The following TATDN1 variants were observed in gnomAD, a reference collection of about 807,000 sequenced individuals.
TATDN1 encodes the protein TatD DNase domain containing 1, also known as deoxyribonuclease TATDN1.
TATDN1 carries 40 observed loss-of-function variants against 46.4 expected under a neutral mutation model. The ratio of observed to expected loss-of-function variants is 0.86; its 90% CI spans 0.67 to 1.12. The LOEUF (loss-of-function observed/expected upper bound fraction) is 1.12. Among genes scored for constraint, TATDN1 ranks in the 50% most tolerant of loss-of-function variants. TATDN1 has a pLI of 0.00. For missense variants in TATDN1, 326 were observed against 348.4 expected (o/e 0.94, Z 0.51); for synonymous variants, 95 against 105.6 (o/e 0.90, Z 0.62).
At chr8:124,514,276 A>G (rs1430988402) in intron 6 of TATDN1, among the ~76,000 whole-genome samples, 1 of 152,170 alleles carries the variant, frequency 6.6e-6, no homozygotes, top group Non-Finnish European at 1.5e-5. Context: ...CAGGGAGGGA[A>G]GCGGGAGGAA....
chr8:124,520,970 C>T (rs916882397), intron 3 of TATDN1, among the ~76,000 whole-genome samples: 10 of 147,996 alleles, frequency 6.8e-5, no homozygotes, highest in African/African-American at 2.0e-4. Context: ...AAAAAGATAA[C>T]GATGATGATG....
intron 1 of TATDN1, among the ~76,000 whole-genome samples, chr8:124,530,763 T>C (rs1022030297): frequency 1.3e-5 from 2 of 152,146 alleles, no homozygotes; most frequent in African/African-American, 4.8e-5. Context: ...CAAATTCTAT[T>C]AGTTTAGATA....
In TATDN1 at chr8:124,539,083, G is replaced by A; in HGVS notation, c.-37C>T. Reference sequence around the variant, plus strand: ...GAGGACCTCCCCAGCGGAAGCGGAAGTGGCCGCCGGCAACTCCGCCCTTCC... The same window carrying A: ...GAGGACCTCCCCAGCGGAAGCGGAAATGGCCGCCGGCAACTCCGCCCTTCC... On this transcript the variant is annotated 5_prime_UTR_variant, in exon 1 of 12. Transcript: ENST00000276692. 1 of 1,611,710 alleles carries A rather than the reference G, an allele frequency of 6.2e-7. No homozygotes were observed. Among genetic ancestry groups the A allele is most frequent in the Non-Finnish European group, 8.5e-7 (1 of 1,177,982 alleles).
chr8:124,497,288 CTTTT>C (rs750659706), intron 9 of TATDN1, among the ~76,000 whole-genome samples: 3 of 101,166 alleles, frequency 3.0e-5, no homozygotes, highest in South Asian at 2.6e-4. Context: ...CTTTCTTCTT[CTTTT>C]TTTTTTTTTT....
chr8:124,522,949 G>A lies in TATDN1; in HGVS notation c.76C>T (p.Gln26Ter). ...PMFRGIYRGV[Q>*]KHQDDLQDVI... is the part of the protein sequence containing the mutation. ...AGGAAATATTTACCTTGATGCTTTT[G>A]AACCCCCCTATAAATTCCTCTGAAC... The change falls in exon 2 of 12, where the codon CAA becomes TAA. Residue 26 changes from glutamine to a stop codon, truncating the protein, a stop_gained. Coordinates refer to ENST00000276692, the MANE Select transcript of TATDN1 (RefSeq NM_032026.4). LOFTEE classifies it high-confidence loss of function. 2 of 1,613,116 alleles carry A rather than the reference G, an allele frequency of 1.2e-6. No homozygotes were observed. Among genetic ancestry groups the A allele is most frequent in the Middle Eastern group, 1.7e-4 (1 of 5,730 alleles).
chr8:124,488,960 C>G, intron 11 of TATDN1: 1 of 383,428 alleles, frequency 2.6e-6, no homozygotes. Flanking sequence ...TTATGTTCAC[C>G]AATTATAGCA....
intron 8 of TATDN1, among the ~76,000 whole-genome samples, chr8:124,507,505 G>C (rs1172222635): frequency 6.6e-6 from 1 of 152,226 alleles, no homozygotes. Context: ...TCAAGGGCCA[G>C]GCACAGTGGC....
At chr8:124,495,758 T>C (rs371956835) in intron 9 of TATDN1, among the ~76,000 whole-genome samples, 8 of 152,344 alleles carry the variant, frequency 5.3e-5, no homozygotes, top group Admixed American at 4.6e-4. Context: ...CAATTTTCCA[T>C]GCTTATTAGT....
intron 1 of TATDN1, among the ~76,000 whole-genome samples, chr8:124,528,218 G>C (rs1489779771): frequency 6.6e-6 from 1 of 151,864 alleles, no homozygotes; most frequent in Non-Finnish European, 1.5e-5. Flanking sequence ...CTGTCACCCA[G>C]GCTGGAGTAC....
chr8:124,518,173 C>T (rs1177065648), intron 4 of TATDN1, among the ~76,000 whole-genome samples: 1 of 134,482 alleles, frequency 7.4e-6, no homozygotes, highest in Admixed American at 8.4e-5. Flanking sequence ...GATTGCGCCA[C>T]TGCACTCTAG....
In TATDN1 at chr8:124,504,359, C is replaced by G; in HGVS notation, c.517-12G>C. The G allele has an allele frequency of 6.4e-7, 1 of 1,559,712 alleles. No individual in the cohort carries two copies. Among genetic ancestry groups the G allele is most frequent in the Non-Finnish European group, 8.7e-7 (1 of 1,150,702 alleles). On this transcript the variant is annotated splice_polypyrimidine_tract_variant and intron_variant, in intron 8 of 11. Transcript: ENST00000276692. ...TCAAATGAATGCACCTGGGGACATA[C>G]AGGTATAAGTTTATTATTATAATAA...
intron 1 of TATDN1, among the ~76,000 whole-genome samples, chr8:124,524,590 T>TA (rs374456758): frequency 6.6e-6 from 1 of 152,222 alleles, no homozygotes; most frequent in African/African-American, 2.4e-5. Context: ...GTATCTCTTC[T>TA]AGACCATTTC....
In TATDN1 at chr8:124,497,204, G is replaced by A. The variant is rs527405712; in HGVS notation, c.594-1662C>T. ...GAAACCAAGCTGTTCACGCTGTGGA[G>A]TGCCCTAGTCTTGATTTTGCTGATT... is the stretch of plus-strand genomic sequence containing the variant. On this transcript the variant is annotated intron_variant, in intron 9 of 11. Transcript: ENST00000276692. Among the ~76,000 whole-genome samples, 52 of 152,112 alleles carry A rather than the reference G, an allele frequency of 3.4e-4. 1 individual carries two copies. Among genetic ancestry groups the A allele is most frequent in the Admixed American group, 2.9e-3 (45 of 15,294 alleles).
intron 1 of TATDN1, among the ~76,000 whole-genome samples, chr8:124,533,168 T>C (rs964449494): frequency 1.3e-5 from 2 of 151,222 alleles, no homozygotes; most frequent in Middle Eastern, 3.4e-3. Flanking sequence ...AGGAGAATGG[T>C]GTGAATCCGG....
intron 4 of TATDN1, among the ~76,000 whole-genome samples, chr8:124,517,963 G>A: frequency 6.6e-6 from 1 of 152,136 alleles, no homozygotes. Context: ...TGTAATCCCA[G>A]CGCTTTGGGA....
Position 124,493,882 on chromosome 8 carries a change from A to C in TATDN1, c.742T>G (p.Trp248Gly). 6.2e-7 allele frequency: 1 copy of C among 1,611,712 alleles called. No individual in the cohort carries two copies. The highest frequency in any genetic ancestry group is 1.7e-5 in the Admixed American group (1 of 59,762). Reference sequence around the variant, plus strand: ...TCTTTTAAGCAGTGCCCACTTTCCCACTTCTTTTTGGTAGGAAATGCAGTT... The same window carrying C: ...TCTTTTAAGCAGTGCCCACTTTCCCCCTTCTTTTTGGTAGGAAATGCAGTT... ...IRTAFPTKKK[W>G]ESGHCLKDRN... Residue 248 changes from tryptophan (W) to glycine (G), a missense_variant, in exon 11 of 12, where the codon TGG (tryptophan) becomes GGG (glycine). Coordinates refer to ENST00000276692, the MANE Select transcript of TATDN1 (RefSeq NM_032026.4).
intron 1 of TATDN1, among the ~76,000 whole-genome samples, chr8:124,526,229 A>G (rs1485318435): frequency 6.6e-6 from 1 of 152,052 alleles, no homozygotes; most frequent in Non-Finnish European, 1.5e-5. Context: ...TCTCTGGAGC[A>G]CTCCCCAAGG....
Position 124,493,864 on chromosome 8 carries a change from A to G in TATDN1, c.760T>C (p.Leu254=), listed in dbSNP as rs1817228727. The change falls in exon 11 of 12, where the codon TTA becomes CTA. Residue 254 remains leucine, a synonymous_variant. Transcript: ENST00000276692. ...TKKKWESGHC[L]KDRNEPCHII... ...TGGCAGGGTTCATTTCTGTCTTTTA[A>G]GCAGTGCCCACTTTCCCACTTCTTT... 6.2e-7 allele frequency: 1 copy of G among 1,611,124 alleles called. No individual in the cohort carries two copies. Among genetic ancestry groups the G allele is most frequent in the Middle Eastern group, 2.2e-4 (1 of 4,582 alleles).
At chr8:124,516,904 G>A (rs1297052329) in intron 4 of TATDN1, among the ~76,000 whole-genome samples, 1 of 152,114 alleles carries the variant, frequency 6.6e-6, no homozygotes, top group Non-Finnish European at 1.5e-5. Context: ...CCGAACCATG[G>A]GAAAGGTATC....
Sources: allele counts gnomAD v4.1 joint callset (sites outside exome capture counted in the v4.1 genomes callset), GRCh38; gene constraint gnomAD v4.1.1; transcripts MANE v1.5; gene names NCBI Gene and HGNC (gene_info 2026-07-23, HGNC 2026-07-21).